Variants in FNDC3B observed in about 807,000 individuals in gnomAD.
The protein encoded by FNDC3B is fibronectin type III domain-containing protein 3B.
Under a neutral mutation model 151.5 loss-of-function variants are expected in FNDC3B, and 12 were observed. That is an observed-to-expected ratio of 0.08 (90% CI 0.05 to 0.13). FNDC3B has a LOEUF of 0.13. FNDC3B is among the 10% of genes least tolerant of loss of function. The pLI, the probability that FNDC3B is intolerant of heterozygous loss-of-function variation, is 1.00. For synonymous variants in FNDC3B, 528 were observed against 549.0 expected (o/e 0.96, Z 0.54); for missense variants, 1,214 against 1,505.3 (o/e 0.81, Z 3.20).
chr3:172,247,334 T>C (rs1237551990), intron 4 of FNDC3B, among the ~76,000 whole-genome samples, 199 bp from the exon 5 acceptor site: 1 of 152,210 alleles, frequency 6.6e-6, no homozygotes, highest in Admixed American at 6.5e-5. Flanking sequence ...ATAATTTGTT[T>C]TTGTACGTTT....
intron 7 of FNDC3B, among the ~76,000 whole-genome samples, chr3:172,291,444 C>T (rs1176086869): frequency 6.6e-6 from 1 of 151,840 alleles, no homozygotes; most frequent in African/African-American, 2.4e-5. Flanking sequence ...TTGGAATCTA[C>T]ATTTAATAAA....
intron 22 of FNDC3B, among the ~76,000 whole-genome samples, chr3:172,354,990 G>C (rs897573367): frequency 4.0e-5 from 6 of 151,324 alleles, no homozygotes; most frequent in Admixed American, 6.6e-5. Flanking sequence ...ATGCAAAAAA[G>C]CTTCTTCAAT....
At chr3:172,355,575 GA>G (rs1260456380) in intron 22 of FNDC3B, among the ~76,000 whole-genome samples, 3 of 152,124 alleles carry the variant, frequency 2.0e-5, no homozygotes, top group Non-Finnish European at 4.4e-5. Context: ...TGATGCTTAT[GA>G]AACTTGAAAA....
chr3:172,137,248 A>G (rs1721418523), intron 3 of FNDC3B, among the ~76,000 whole-genome samples: 1 of 152,172 alleles, frequency 6.6e-6, no homozygotes, highest in Non-Finnish European at 1.5e-5. Flanking sequence ...CTTGTAACTG[A>G]ATTTATTAGC....
intron 3 of FNDC3B, among the ~76,000 whole-genome samples, chr3:172,171,466 G>T (rs4295191): frequency 0.089 from 13,492 of 152,064 alleles, 653 homozygotes; most frequent in Non-Finnish European, 0.11. Context: ...TAAAGAATGG[G>T]GTATCTTTTT....
At chr3:172,077,829 A>G (rs1718090538) in intron 1 of FNDC3B, among the ~76,000 whole-genome samples, 1 of 152,206 alleles carries the variant, frequency 6.6e-6, no homozygotes, top group Admixed American at 6.5e-5. Flanking sequence ...CTAAAAAATT[A>G]TATTTTCGGC....
intron 11 of FNDC3B, among the ~76,000 whole-genome samples, chr3:172,324,326 G>A (rs768038346): frequency 5.9e-4 from 89 of 151,998 alleles, no homozygotes; most frequent in Non-Finnish European, 1.1e-3. Context: ...AAACACCCTC[G>A]TCCCTGGTTG....
chr3:172,057,711 G>A (rs1386526826), intron 1 of FNDC3B, among the ~76,000 whole-genome samples: 1 of 147,224 alleles, frequency 6.8e-6, no homozygotes, highest in African/African-American at 2.5e-5. Flanking sequence ...AAATGAGGCA[G>A]TCAGTGCAGT....
chr3:172,214,841 G>T (rs746530604), intron 3 of FNDC3B, among the ~76,000 whole-genome samples: 6 of 152,332 alleles, frequency 3.9e-5, no homozygotes, highest in Non-Finnish European at 8.8e-5. Flanking sequence ...TTGCTTTATG[G>T]CAGGCACTCT....
intron 3 of FNDC3B, among the ~76,000 whole-genome samples, chr3:172,153,190 G>A (rs1312733070): frequency 5.9e-5 from 9 of 152,122 alleles, no homozygotes; most frequent in Admixed American, 5.9e-4. Flanking sequence ...TGTGAATTTG[G>A]ATACAGTACA....
intron 3 of FNDC3B, among the ~76,000 whole-genome samples, chr3:172,157,851 T>C (rs1417258633): frequency 6.6e-6 from 1 of 152,224 alleles, no homozygotes; most frequent in Non-Finnish European, 1.5e-5. Context: ...TTCTGAGGTC[T>C]GAATGTTTGT....
intron 11 of FNDC3B, among the ~76,000 whole-genome samples, chr3:172,320,300 A>C (rs1271133385): frequency 6.6e-6 from 1 of 152,112 alleles, no homozygotes; most frequent in Non-Finnish European, 1.5e-5. Context: ...GAATCGCTTG[A>C]ACCTGGGAGG....
chr3:172,062,439 G>A (rs898434390), intron 1 of FNDC3B, among the ~76,000 whole-genome samples: 2 of 151,814 alleles, frequency 1.3e-5, no homozygotes, highest in Non-Finnish European at 2.9e-5. Context: ...AGCCTCCCGA[G>A]TAGCTGGGAT....
At chr3:172,120,451 T>A (rs1720476441) in intron 2 of FNDC3B, among the ~76,000 whole-genome samples, 1 of 152,162 alleles carries the variant, frequency 6.6e-6, no homozygotes, top group South Asian at 2.1e-4. Flanking sequence ...GTGCCTGGCA[T>A]CTGAAGTAAC....
rs559943960 is a variant in FNDC3B at position 172,047,573 on chromosome 3, G to A, written c.-29+7802G>A. ...TGCATTCACTGATGCTGGTCTGCTGGTGGTCTTTTCATAGAGATACAGGAG... is the reference window on the plus strand; with the variant it reads ...TGCATTCACTGATGCTGGTCTGCTGATGGTCTTTTCATAGAGATACAGGAG... On this transcript the variant is annotated intron_variant, in intron 1 of 25. Transcript: ENST00000415807. 2.6e-5 allele frequency among the ~76,000 whole-genome samples: 4 copies of A among 152,222 alleles called. No homozygotes were observed. The South Asian group carries it at 6.2e-4, about 24-fold the overall frequency.
intron 1 of FNDC3B, among the ~76,000 whole-genome samples, chr3:172,110,957 G>A (rs764774007): frequency 6.6e-6 from 1 of 151,924 alleles, no homozygotes; most frequent in African/African-American, 2.4e-5. Context: ...AAATTAGGCG[G>A]GCATAGTGGT....
chr3:172,373,576 G>A (rs1370217258), intron 23 of FNDC3B, among the ~76,000 whole-genome samples: 2 of 152,162 alleles, frequency 1.3e-5, no homozygotes, highest in Non-Finnish European at 2.9e-5. Context: ...ATCACAAAAG[G>A]CCTCTGGCTT....
intron 2 of FNDC3B, among the ~76,000 whole-genome samples, chr3:172,113,045 G>A (rs951358320): frequency 1.3e-5 from 2 of 152,104 alleles, no homozygotes; most frequent in African/African-American, 2.4e-5. Context: ...TAAAATCACG[G>A]TACTTATTTT....
At chr3:172,060,601 C>T (rs746517360) in intron 1 of FNDC3B, among the ~76,000 whole-genome samples, 5 of 152,240 alleles carry the variant, frequency 3.3e-5, no homozygotes, top group Admixed American at 6.5e-5. Context: ...TGTAAAGATG[C>T]GGCAAGAGAA....
Sources: gnomAD v4.1 joint callset for allele counts (sites outside exome capture counted in the v4.1 genomes callset) on GRCh38, gnomAD v4.1.1 for gene constraint, MANE v1.5 for transcripts, NCBI Gene and HGNC (gene_info 2026-07-23, HGNC 2026-07-21) for gene names.